PPP1R12A: variants seen among roughly 807,000 people sequenced by gnomAD.
The protein encoded by PPP1R12A is myosin binding subunit.
A neutral mutation model predicts 139.6 loss-of-function variants in PPP1R12A; 19 were observed. The ratio of observed to expected loss-of-function variants is 0.14; its 90% CI spans 0.09 to 0.20. PPP1R12A has a LOEUF of 0.20. Among genes scored for constraint, PPP1R12A ranks in the 10% least tolerant of loss-of-function variants. PPP1R12A has a pLI of 1.00. For missense variants in PPP1R12A, 925 were observed against 1,211.5 expected (o/e 0.76, Z 3.51); for synonymous variants, 427 against 420.6 (o/e 1.02, Z -0.19).
At chr12:79,870,451 G>A (rs1317141158) in intron 2 of PPP1R12A, among the ~76,000 whole-genome samples, 4 of 152,096 alleles carry the variant, frequency 2.6e-5, no homozygotes, top group African/African-American at 9.7e-5. Flanking sequence ...GAAGGATTTT[G>A]GGCTATCATC....
At chr12:79,854,663 AT>A (rs1001567045) in intron 2 of PPP1R12A, among the ~76,000 whole-genome samples, 84 of 150,760 alleles carry the variant, frequency 5.6e-4, no homozygotes, top group East Asian at 1.4e-3. Flanking sequence ...TATAATTTTT[AT>A]TTTTTTTTGA....
chr12:79,793,872 T>C lies in PPP1R12A; in HGVS notation c.2640A>G (p.Lys880=). ...AAGTAATGGTATTTACCTGAGTTTC[T>C]TTCTTATTGGATCCCTCTTCTGTGT... ...QSDTEEGSNK[K]ETQTDSISRY... Residue 880 remains lysine, a synonymous_variant, in exon 19 of 25, where the codon AAA becomes AAG. Coordinates refer to ENST00000450142, the MANE Select transcript of PPP1R12A (RefSeq NM_002480.3). 2 of 1,589,700 alleles carry C rather than the reference T, an allele frequency of 1.3e-6. No homozygotes were observed.
intron 8 of PPP1R12A, among the ~76,000 whole-genome samples, 166 bp downstream of exon 8, chr12:79,820,608 C>A (rs560402089): frequency 5.9e-5 from 9 of 152,256 alleles, no homozygotes; most frequent in African/African-American, 1.9e-4. Context: ...AATAAATTCA[C>A]AACTATATGT....
At chr12:79,805,068 T>G (rs1382401356) in intron 14 of PPP1R12A, among the ~76,000 whole-genome samples, 3 of 152,222 alleles carry the variant, frequency 2.0e-5, no homozygotes, top group East Asian at 3.9e-4. Context: ...GTATCAGAGA[T>G]AAAATTAAAT....
intron 23 of PPP1R12A, 113 bp downstream of exon 23, chr12:79,781,702 T>C: frequency 1.8e-6 from 1 of 560,304 alleles, no homozygotes. Context: ...TCAATAAATA[T>C]TTAAACTAAT....
intron 1 of PPP1R12A, among the ~76,000 whole-genome samples, chr12:79,910,264 G>T (rs1381873815): frequency 6.6e-6 from 1 of 151,946 alleles, no homozygotes; most frequent in Non-Finnish European, 1.5e-5. Flanking sequence ...AGGATCACCT[G>T]AGGTCAGGAC....
At chr12:79,905,088 C>T (rs772926592) in intron 1 of PPP1R12A, among the ~76,000 whole-genome samples, 10 of 151,886 alleles carry the variant, frequency 6.6e-5, no homozygotes, top group African/African-American at 9.7e-5. Context: ...ATTAAAATAC[C>T]TTTCTTCACT....
intron 3 of PPP1R12A, among the ~76,000 whole-genome samples, chr12:79,843,243 T>C (rs1878964938): frequency 6.6e-6 from 1 of 152,216 alleles, no homozygotes; most frequent in Admixed American, 6.5e-5. Flanking sequence ...CCCATGTTTG[T>C]ACAAATTATT....
chr12:79,916,685 T>C (rs1000221400), intron 1 of PPP1R12A, among the ~76,000 whole-genome samples: 2 of 152,154 alleles, frequency 1.3e-5, no homozygotes, highest in African/African-American at 4.8e-5. Context: ...CCCAAGGTGT[T>C]CATCACATCG....
chr12:79,928,838 C>T lies in PPP1R12A; in HGVS notation c.237+5857G>A, dbSNP rs187595066. ...GAGGATCACATATTTTACAAAGATG[C>T]TTAAAATGGCTCCCTTAGAAGTAGA... On this transcript the variant is annotated intron_variant, in intron 1 of 24. Coordinates refer to ENST00000450142, the MANE Select transcript of PPP1R12A (RefSeq NM_002480.3). Among the ~76,000 whole-genome samples the T allele has an allele frequency of 8.9e-4, 136 of 152,164 alleles. 1 individual carries two copies. The highest frequency in any genetic ancestry group is 3.0e-3 in the African/African-American group (124 of 41,438).
At chr12:79,855,477 C>T (rs73349398) in intron 2 of PPP1R12A, among the ~76,000 whole-genome samples, 12,736 of 152,062 alleles carry the variant, frequency 0.084, 876 homozygotes, top group African/African-American at 0.18. Flanking sequence ...ATTTATTTTC[C>T]TGTGGGTATA....
At chr12:79,817,905 A>T (rs1565757281) in intron 8 of PPP1R12A, among the ~76,000 whole-genome samples, 1 of 152,226 alleles carries the variant, frequency 6.6e-6, no homozygotes, top group Admixed American at 6.5e-5. Flanking sequence ...ATTATTACTG[A>T]TCTAAAACTG....
intron 2 of PPP1R12A, among the ~76,000 whole-genome samples, chr12:79,863,644 CAAAAAAAAA>C (rs61530316): frequency 9.0e-5 from 5 of 55,334 alleles, no homozygotes; most frequent in African/African-American, 3.3e-4. Flanking sequence ...AAATTGAAAG[CAAAAAAAAA>C]AAAAAAAAAA....
chr12:79,795,586 TAAGAATACTATC>T (rs980262992), intron 18 of PPP1R12A, 40 bp downstream of exon 18: 5 of 1,541,382 alleles, frequency 3.2e-6, no homozygotes, highest in East Asian at 4.5e-5. Flanking sequence ...TTGGACACAT[TAAGAATACTATC>T]AAGAATACTA....
chr12:79,819,148 G>C (rs1036766369), intron 8 of PPP1R12A: 11 of 152,164 alleles, frequency 7.2e-5, no homozygotes, highest in Admixed American at 5.9e-4. Flanking sequence ...ACTGAGTAGA[G>C]AGCAATTAGT....
chr12:79,852,814 T>C (rs1441943161), intron 2 of PPP1R12A, among the ~76,000 whole-genome samples: 1 of 151,962 alleles, frequency 6.6e-6, no homozygotes, highest in Non-Finnish European at 1.5e-5. Context: ...GTGCTGGGGG[T>C]TGGGGTGCAT....
intron 1 of PPP1R12A, chr12:79,878,350 A>G (rs1043219652): frequency 6.6e-6 from 1 of 152,162 alleles, no homozygotes; most frequent in African/African-American, 2.4e-5. Context: ...TTCAAGTACT[A>G]ACCAGATCCA....
intron 1 of PPP1R12A, among the ~76,000 whole-genome samples, chr12:79,874,759 T>C (rs1156906674): frequency 6.6e-6 from 1 of 152,168 alleles, no homozygotes; most frequent in Non-Finnish European, 1.5e-5. Context: ...GAAAGGTGCT[T>C]TATCTATGAT....
chr12:79,815,971 A>C (rs1007997088), intron 9 of PPP1R12A, among the ~76,000 whole-genome samples: 2 of 82,628 alleles, frequency 2.4e-5, no homozygotes, highest in Non-Finnish European at 3.5e-5. Flanking sequence ...GATTATTACT[A>C]ACAGCAGGGA....
Sources: allele counts gnomAD v4.1 joint callset (sites outside exome capture counted in the v4.1 genomes callset), GRCh38; gene constraint gnomAD v4.1.1; transcripts MANE v1.5; gene names NCBI Gene and HGNC (gene_info 2026-07-23, HGNC 2026-07-21).